The following ARHGEF4 variants were observed in gnomAD, a reference collection of about 807,000 sequenced individuals.
ARHGEF4 encodes the protein APC-stimulated guanine nucleotide exchange factor 1.
ARHGEF4 carries 119 observed loss-of-function variants against 162.0 expected under a neutral mutation model. The observed-to-expected ratio is 0.73, with a 90% CI of 0.63 to 0.86. The LOEUF (loss-of-function observed/expected upper bound fraction) is 0.86. Among genes scored for constraint, ARHGEF4 ranks in the 40% least tolerant of loss-of-function variants. The pLI is 0.00. For synonymous variants in ARHGEF4, 1,014 were observed against 979.9 expected (o/e 1.03, Z -0.65); for missense variants, 2,488 against 2,456.0 (o/e 1.01, Z -0.28).
At position 130,914,268 on chromosome 2, in the gene ARHGEF4, G is replaced by T; in HGVS notation, c.322G>T (p.Val108Phe). Reference sequence around the variant, plus strand: ...AGAAGCACCTTGGGAATACCCTGATGTCTCAGCAACTGGACCCCCTCAGGA... The same window carrying T: ...AGAAGCACCTTGGGAATACCCTGATTTCTCAGCAACTGGACCCCCTCAGGA... ...DIEAPWEYPD[V>F]SATGPPQEQH... is the part of the protein sequence containing the mutation. The change falls in exon 2 of 14, where the codon GTC becomes TTC. Residue 108 changes from valine to phenylalanine, a missense_variant. Coordinates refer to ENST00000409359, the MANE Select transcript of ARHGEF4 (RefSeq NM_001367493.1). The T allele has an allele frequency of 6.5e-7, 1 of 1,529,684 alleles. No homozygotes were observed. The highest frequency in any genetic ancestry group is 8.8e-7 in the Non-Finnish European group (1 of 1,142,634). The allele number at this position is 1,529,684 out of a possible 1,614,324, so 94.8% of individuals were successfully genotyped here. A position where few individuals can be genotyped will look rare whatever the true frequency, so the allele number is the denominator to read the frequency against.
At chr2:130,937,448 G>GT (rs952271590) in intron 3 of ARHGEF4, among the ~76,000 whole-genome samples, 7 of 151,882 alleles carry the variant, frequency 4.6e-5, no homozygotes, top group Non-Finnish European at 7.4e-5. Flanking sequence ...ACTTTTACCT[G>GT]TTTTTTTAAT....
chr2:131,017,595 A>G (rs1173695569), intron 4 of ARHGEF4, among the ~76,000 whole-genome samples: 1 of 152,236 alleles, frequency 6.6e-6, no homozygotes. Flanking sequence ...GACTCCTACA[A>G]GAAATCTGTT....
intron 1 of ARHGEF4, among the ~76,000 whole-genome samples, chr2:130,838,590 A>G (rs1020544600): frequency 6.6e-6 from 1 of 152,048 alleles, no homozygotes; most frequent in Non-Finnish European, 1.5e-5. Context: ...TGGGTGATAG[A>G]GCGAGACTCC....
chr2:130,876,492 C>T (rs923274440), intron 1 of ARHGEF4, among the ~76,000 whole-genome samples: 3 of 152,084 alleles, frequency 2.0e-5, no homozygotes, highest in East Asian at 1.9e-4. Context: ...CCTCGGTTCA[C>T]GCCATTCTCC....
intron 1 of ARHGEF4, among the ~76,000 whole-genome samples, chr2:130,885,564 C>CTTTT (rs961513941): frequency 2.0e-4 from 20 of 100,360 alleles, no homozygotes; most frequent in Non-Finnish European, 2.5e-4. Flanking sequence ...TTTTCTTATT[C>CTTTT]TTTTTTTTTT....
chr2:130,986,148 T>C (rs181008104), intron 4 of ARHGEF4, among the ~76,000 whole-genome samples: 74 of 152,050 alleles, frequency 4.9e-4, no homozygotes, highest in African/African-American at 1.7e-3. Flanking sequence ...TTTGTGTGCA[T>C]GGTGTGTGTT....
intron 1 of ARHGEF4, among the ~76,000 whole-genome samples, chr2:130,855,473 T>A (rs1490035244): frequency 6.6e-6 from 1 of 152,190 alleles, no homozygotes; most frequent in Non-Finnish European, 1.5e-5. Flanking sequence ...GCTGCAAGCT[T>A]CCAGGTGTCC....
intron 4 of ARHGEF4, among the ~76,000 whole-genome samples, chr2:130,980,905 A>G (rs1260641999): frequency 6.6e-6 from 1 of 152,216 alleles, no homozygotes; most frequent in Non-Finnish European, 1.5e-5. Flanking sequence ...ATGTACCCAT[A>G]TCACAGTTTT....
chr2:131,028,808 T>G lies in ARHGEF4; in HGVS notation c.4125+724T>G, dbSNP rs554956098. Among the ~76,000 whole-genome samples, 7 of 152,350 alleles carry G rather than the reference T, an allele frequency of 4.6e-5. No homozygotes were observed. In the South Asian group the frequency reaches 1.5e-3, roughly 32 times the overall value. On this transcript the variant is annotated intron_variant, in intron 5 of 13. Coordinates refer to ENST00000409359, the MANE Select transcript of ARHGEF4 (RefSeq NM_001367493.1). ...AAGCACATGCCCATAGCAAATGCCA[T>G]GTTCTCTAGTCAGGAGGTACTGGTG...
intron 1 of ARHGEF4, among the ~76,000 whole-genome samples, chr2:130,883,293 G>A (rs1299247905): frequency 2.0e-5 from 3 of 152,198 alleles, no homozygotes; most frequent in Non-Finnish European, 4.4e-5. Context: ...CTTCCCTGCT[G>A]AGACCGAGTG....
intron 1 of ARHGEF4, among the ~76,000 whole-genome samples, chr2:130,905,248 AT>A (rs1259933805): frequency 2.0e-5 from 3 of 151,790 alleles, no homozygotes; most frequent in Non-Finnish European, 2.9e-5. Flanking sequence ...TTAATTTTCC[AT>A]TTTGTGTATA....
At chr2:130,852,676 C>T (rs920218688) in intron 1 of ARHGEF4, among the ~76,000 whole-genome samples, 13 of 152,146 alleles carry the variant, frequency 8.5e-5, no homozygotes, top group African/African-American at 1.2e-4. Flanking sequence ...AGGAGGAGAC[C>T]GCAGGATGGG....
chr2:130,901,733 C>G (rs1247251971), intron 1 of ARHGEF4, among the ~76,000 whole-genome samples: 3 of 152,158 alleles, frequency 2.0e-5, no homozygotes, highest in Non-Finnish European at 4.4e-5. Context: ...GTTGGCCAGG[C>G]TGGTCACGTA....
chr2:130,877,107 C>G (rs181286781), intron 1 of ARHGEF4, among the ~76,000 whole-genome samples: 1 of 152,174 alleles, frequency 6.6e-6, no homozygotes, highest in African/African-American at 2.4e-5. Context: ...ACCCGCTCTC[C>G]GTGCATGCCC....
chr2:130,950,274 G>A (rs1406558611), intron 4 of ARHGEF4, among the ~76,000 whole-genome samples: 1 of 152,078 alleles, frequency 6.6e-6, no homozygotes, highest in East Asian at 1.9e-4. Flanking sequence ...GTGGGAGCAG[G>A]CCACCTCTCC....
At position 130,987,428 on chromosome 2, in the gene ARHGEF4, G is replaced by A. The variant is rs190207285; in HGVS notation, c.3986-40517G>A. On this transcript the variant is annotated intron_variant, in intron 4 of 13. Transcript: ENST00000409359. ...CACGGGTGAGCGGTAGCAAAAGAGC[G>A]AAAGGACAATGCTTCCACAGCATGG... Among the ~76,000 whole-genome samples, 32 of 152,330 alleles carry A rather than the reference G, an allele frequency of 2.1e-4. No individual in the cohort carries two copies. The East Asian group carries it at 4.8e-3, about 23-fold the overall frequency.
At chr2:130,941,166 GGT>G (rs1683274567) in intron 3 of ARHGEF4, among the ~76,000 whole-genome samples, 1 of 151,804 alleles carries the variant, frequency 6.6e-6, no homozygotes. Context: ...ACCATGCAGG[GGT>G]TAGGGGTACC....
chr2:130,907,884 AG>A (rs1235099367), intron 1 of ARHGEF4, among the ~76,000 whole-genome samples: 4 of 148,690 alleles, frequency 2.7e-5, no homozygotes, highest in South Asian at 2.2e-4. Context: ...TGAAACTGGG[AG>A]GGCGGAGGTT....
intron 3 of ARHGEF4, among the ~76,000 whole-genome samples, chr2:130,932,158 G>C (rs537711017): frequency 6.6e-6 from 1 of 152,098 alleles, no homozygotes; most frequent in African/African-American, 2.4e-5. Context: ...TACATGATAC[G>C]TGACCTTTTG....
Sources: gnomAD v4.1 joint callset for allele counts (sites outside exome capture counted in the v4.1 genomes callset) on GRCh38, gnomAD v4.1.1 for gene constraint, MANE v1.5 for transcripts, NCBI Gene and HGNC (gene_info 2026-07-23, HGNC 2026-07-21) for gene names.